The following CNTNAP2 variants were observed in gnomAD, a reference collection of about 807,000 sequenced individuals.
The protein encoded by CNTNAP2 is contactin-associated protein-like 2.
CNTNAP2 carries 98 observed loss-of-function variants against 155.2 expected under a neutral mutation model. The ratio of observed to expected loss-of-function variants is 0.63; its 90% CI spans 0.54 to 0.75. CNTNAP2 has a LOEUF of 0.75. Ranked by LOEUF, CNTNAP2 falls within the 30% of genes least tolerant of loss-of-function variation. The pLI is 0.00. For synonymous variants in CNTNAP2, 651 were observed against 631.2 expected, an observed-to-expected ratio of 1.03 and a Z score of -0.47; for missense variants, 1,727 against 1,688.1, an observed-to-expected ratio of 1.02 and a Z score of -0.40.
chr7:147,708,219 C>T (rs1033390237), intron 13 of CNTNAP2, among the ~76,000 whole-genome samples: 1 of 152,282 alleles, frequency 6.6e-6, no homozygotes, highest in Non-Finnish European at 1.5e-5. Context: ...ACCCTGGGAA[C>T]AGCAGTCACT....
chr7:148,204,789 CAG>C (rs1302137177), intron 18 of CNTNAP2, among the ~76,000 whole-genome samples: 2 of 152,194 alleles, frequency 1.3e-5, no homozygotes, highest in African/African-American at 4.8e-5. Flanking sequence ...GTCGCCTAGA[CAG>C]AGGGAGGAGT....
chr7:147,287,936 G>A (rs756659425), intron 8 of CNTNAP2, among the ~76,000 whole-genome samples: 2 of 152,054 alleles, frequency 1.3e-5, no homozygotes, highest in Non-Finnish European at 2.9e-5. Context: ...GACGGTAAGA[G>A]CATCCTAATA....
intron 3 of CNTNAP2, among the ~76,000 whole-genome samples, chr7:147,034,666 T>A (rs1225608303): frequency 6.6e-6 from 1 of 152,132 alleles, no homozygotes; most frequent in African/African-American, 2.4e-5. Context: ...TTTTACTGAA[T>A]GGAGGCGGGT....
chr7:147,481,429 T>G (rs978025535), intron 10 of CNTNAP2, among the ~76,000 whole-genome samples: 15 of 152,200 alleles, frequency 9.9e-5, no homozygotes, highest in Admixed American at 9.2e-4. Context: ...ATAAAAGAGA[T>G]GCTATGGGTA....
Position 148,003,015 on chromosome 7 carries a change from G to A in CNTNAP2, c.2383+25026G>A, listed in dbSNP as rs183195384. ...AAATGGGTATTTTGATCAGCACGGG[G>A]AGCAGTCAGTGGGCCTACAGAGAAG... On this transcript the variant is annotated intron_variant, in intron 15 of 23. Coordinates refer to ENST00000361727, the MANE Select transcript of CNTNAP2 (RefSeq NM_014141.6). Among the ~76,000 whole-genome samples the A allele has an allele frequency of 5.9e-5, 9 of 152,310 alleles. No homozygotes were observed. The East Asian group carries it at 1.7e-3, about 29-fold the overall frequency.
At chr7:148,140,401 G>T (rs956155586) in intron 16 of CNTNAP2, among the ~76,000 whole-genome samples, 2 of 150,928 alleles carry the variant, frequency 1.3e-5, no homozygotes, top group Non-Finnish European at 2.9e-5. Flanking sequence ...GCATGGTAAG[G>T]CCCCATCTTT....
intron 13 of CNTNAP2, among the ~76,000 whole-genome samples, chr7:147,691,335 A>C (rs1483627616): frequency 2.6e-5 from 4 of 152,158 alleles, no homozygotes; most frequent in Non-Finnish European, 5.9e-5. Flanking sequence ...CAGTAAGTCA[A>C]ACCCTGATTT....
intron 19 of CNTNAP2, among the ~76,000 whole-genome samples, chr7:148,228,538 G>T (rs1795899892): frequency 6.6e-6 from 1 of 152,102 alleles, no homozygotes; most frequent in Admixed American, 6.5e-5. Flanking sequence ...TAAGAACTAT[G>T]TTTGGCCAGG....
chr7:147,142,952 C>T (rs1801629968), intron 8 of CNTNAP2, among the ~76,000 whole-genome samples: 1 of 152,042 alleles, frequency 6.6e-6, no homozygotes, highest in Non-Finnish European at 1.5e-5. Flanking sequence ...TTTTAGTATA[C>T]TTTCCTTCCC....
intron 1 of CNTNAP2, among the ~76,000 whole-genome samples, chr7:146,507,167 T>G (rs575530141): frequency 2.7e-4 from 41 of 152,324 alleles, no homozygotes; most frequent in African/African-American, 9.9e-4. Context: ...ACACAATGAC[T>G]GTAGCCCTTC....
chr7:146,384,760 G>T (rs747316138), intron 1 of CNTNAP2, among the ~76,000 whole-genome samples: 15 of 152,084 alleles, frequency 9.9e-5, no homozygotes, highest in Non-Finnish European at 1.9e-4. Context: ...ACAGAATTGG[G>T]TTTAAAGTTG....
intron 1 of CNTNAP2, among the ~76,000 whole-genome samples, chr7:146,219,717 A>C (rs1304996905): frequency 6.6e-6 from 1 of 152,176 alleles, no homozygotes; most frequent in Non-Finnish European, 1.5e-5. Context: ...TTACACTTGA[A>C]TTACTTCAAG....
chr7:148,233,619 A>C (rs1354411560), intron 20 of CNTNAP2, among the ~76,000 whole-genome samples: 5 of 152,242 alleles, frequency 3.3e-5, no homozygotes, highest in African/African-American at 1.2e-4. Flanking sequence ...CCACTTATAC[A>C]ACATCACATA....
intron 16 of CNTNAP2, among the ~76,000 whole-genome samples, chr7:148,118,689 C>T (rs1804529803): frequency 7.2e-5 from 11 of 152,098 alleles, no homozygotes; most frequent in Admixed American, 7.2e-4. Context: ...TCAAGGAAGA[C>T]AGGAATGATA....
chr7:148,136,325 A>G (rs1336223974), intron 16 of CNTNAP2, among the ~76,000 whole-genome samples: 3 of 152,094 alleles, frequency 2.0e-5, no homozygotes, highest in Non-Finnish European at 2.9e-5. Context: ...CGGATCCTTC[A>G]TGAATGGCTT....
intron 2 of CNTNAP2, among the ~76,000 whole-genome samples, chr7:146,788,510 C>T (rs1031963653): frequency 2.0e-5 from 3 of 152,192 alleles, no homozygotes; most frequent in Non-Finnish European, 4.4e-5. Context: ...GACTTCTTTA[C>T]TGTTGAAGGG....
At chr7:148,020,012 T>C (rs1290719692) in intron 15 of CNTNAP2, among the ~76,000 whole-genome samples, 2 of 152,136 alleles carry the variant, frequency 1.3e-5, no homozygotes, top group Non-Finnish European at 2.9e-5. Flanking sequence ...TTTGAACTCC[T>C]GACCTCAGGA....
At chr7:147,120,299 C>T (rs1372640597) in intron 5 of CNTNAP2, among the ~76,000 whole-genome samples, 3 of 152,078 alleles carry the variant, frequency 2.0e-5, no homozygotes, top group Non-Finnish European at 2.9e-5. Flanking sequence ...CTCATTGAAT[C>T]CTCATGCAAC....
At chr7:148,238,301 A>G (rs1043479617) in intron 20 of CNTNAP2, among the ~76,000 whole-genome samples, 5 of 152,188 alleles carry the variant, frequency 3.3e-5, no homozygotes, top group Non-Finnish European at 7.3e-5. Context: ...GTGAGCTGAG[A>G]TCGTGCCACT....
Sources: gnomAD v4.1 joint callset for allele counts (sites outside exome capture counted in the v4.1 genomes callset) on GRCh38, gnomAD v4.1.1 for gene constraint, MANE v1.5 for transcripts, NCBI Gene and HGNC (gene_info 2026-07-23, HGNC 2026-07-21) for gene names.